Variants in TSPAN9 observed in about 807,000 individuals in gnomAD.
TSPAN9 encodes tetraspanin 9, also known as tetraspanin-9.
A neutral mutation model predicts 31.0 loss-of-function variants in TSPAN9; 16 were observed. The ratio of observed to expected loss-of-function variants is 0.52; its 90% CI spans 0.35 to 0.78. TSPAN9 has a LOEUF of 0.78. Ranked by LOEUF, TSPAN9 falls within the 30% of genes least tolerant of loss-of-function variation. The probability of loss-of-function intolerance (pLI) is 0.01; values close to 1 mark genes in which losing one functional copy is unlikely to be tolerated. For synonymous variants in TSPAN9, 145 were observed against 121.6 expected (o/e 1.19, Z -1.27); for missense variants, 272 against 312.5 (o/e 0.87, Z 0.98).
At chr12:3,180,416 G>A (rs1344054987) in intron 2 of TSPAN9, among the ~76,000 whole-genome samples, 2 of 151,964 alleles carry the variant, frequency 1.3e-5, no homozygotes, top group Admixed American at 6.6e-5. Context: ...GTTGAAGAGT[G>A]TAGTCAGCTG....
At chr12:3,180,150 A>T (rs1199044811) in intron 2 of TSPAN9, among the ~76,000 whole-genome samples, 2 of 152,170 alleles carry the variant, frequency 1.3e-5, no homozygotes, top group African/African-American at 4.8e-5. Context: ...ACACCTGAGA[A>T]AACGTTTCAT....
intron 3 of TSPAN9, among the ~76,000 whole-genome samples, chr12:3,270,790 C>T (rs1306303693): frequency 1.3e-5 from 2 of 152,234 alleles, no homozygotes; most frequent in Non-Finnish European, 2.9e-5. Context: ...CTCTTCCACC[C>T]CAATATACAC....
Position 3,081,538 on chromosome 12 carries a change from C to T in TSPAN9, c.-84-2115C>T, listed in dbSNP as rs138132224. On this transcript the variant is annotated intron_variant, in intron 1 of 8. Transcript: ENST00000011898. ...GAGCTCCTCTCAAGACCCTGGCATC[C>T]CATCCCAAATGAACCTCTTTTTCCT... Among the ~76,000 whole-genome samples, 512 of 152,224 alleles carry T rather than the reference C, an allele frequency of 3.4e-3. 6 individuals are homozygous for T. Among genetic ancestry groups the T allele is most frequent in the South Asian group, 5.4e-3 (26 of 4,826 alleles).
intron 3 of TSPAN9, among the ~76,000 whole-genome samples, chr12:3,234,898 C>T (rs1339599655): frequency 6.6e-6 from 1 of 151,712 alleles, no homozygotes; most frequent in African/African-American, 2.4e-5. Flanking sequence ...TGGTGGCTTA[C>T]GCCTGTCATC....
chr12:3,080,282 A>G (rs980289673), intron 1 of TSPAN9, among the ~76,000 whole-genome samples: 1 of 152,236 alleles, frequency 6.6e-6, no homozygotes, highest in Admixed American at 6.5e-5. Context: ...AGTGTGCTTT[A>G]TATAAAAAAT....
rs374098805 is a variant in TSPAN9 at position 3,272,292 on chromosome 12, G to A, written c.64-6129G>A. The stretch of plus-strand genomic sequence containing the variant: ...GTGGGGAAGACGGGGTGAAGAGGAG[G>A]CTGCTTTTTCAGGAGGATTTGCATG... On this transcript the variant is annotated intron_variant, in intron 3 of 8. Coordinates refer to ENST00000011898, the MANE Select transcript of TSPAN9 (RefSeq NM_006675.5). Among the ~76,000 whole-genome samples the A allele has an allele frequency of 9.7e-4, 147 of 152,260 alleles. 2 individuals carry two copies. The Middle Eastern group carries it at 0.017, about 18-fold the overall frequency.
intron 2 of TSPAN9, among the ~76,000 whole-genome samples, chr12:3,125,925 C>T (rs191232277): frequency 1.3e-5 from 2 of 152,270 alleles, no homozygotes; most frequent in East Asian, 3.9e-4. Flanking sequence ...TTTGAGGGCT[C>T]AAAACCTGTT....
chr12:3,237,914 A>G (rs1350381200), intron 3 of TSPAN9, among the ~76,000 whole-genome samples: 1 of 152,204 alleles, frequency 6.6e-6, no homozygotes, highest in Non-Finnish European at 1.5e-5. Flanking sequence ...AATCATGTTT[A>G]TGAACTCAGC....
At position 3,285,756 on chromosome 12, in the gene TSPAN9, A is replaced by G. The variant is rs965363871; in HGVS notation, c.*2640A>G. On this transcript the variant is annotated 3_prime_UTR_variant, in exon 9 of 9. Transcript: ENST00000011898. ...AGTTCAATCAGGTCTGATGTGAGCA[A>G]TTTACACACTTGTCTCAGAAAGTCC... The G allele has an allele frequency of 6.6e-6, 1 of 152,194 alleles. No homozygotes were observed. The highest frequency in any genetic ancestry group is 2.4e-5 in the African/African-American group (1 of 41,426). 9.4% of individuals were successfully genotyped at this position (152,194 alleles called of 1,614,324 possible). A position where few individuals can be genotyped will look rare whatever the true frequency, so the allele number is the denominator to read the frequency against.
chr12:3,100,755 C>T (rs549005254), intron 2 of TSPAN9, among the ~76,000 whole-genome samples: 1 of 152,332 alleles, frequency 6.6e-6, no homozygotes, highest in South Asian at 2.1e-4. Context: ...AACCCATAAG[C>T]AGCATGTTCT....
chr12:3,160,395 G>A (rs7132255), intron 2 of TSPAN9, among the ~76,000 whole-genome samples: 2,376 of 152,270 alleles, frequency 0.016, 53 homozygotes, highest in African/African-American at 0.054. Flanking sequence ...TTTGAATAAT[G>A]CTGCAATGAA....
rs533490366 is a variant in TSPAN9, at chr12:3,252,622, G to A, written c.64-25799G>A. Among the ~76,000 whole-genome samples the A allele has an allele frequency of 2.1e-4, 32 of 152,372 alleles. No individual in the cohort carries two copies. In the South Asian group the frequency reaches 4.6e-3, roughly 22 times the overall value. On this transcript the variant is annotated intron_variant, in intron 3 of 8. Transcript: ENST00000011898. ...GCAAGATCCTCTTGTCATCACAGCCGGAGTCAGCTGTTGGTTTGGGAAGCC... is the reference window on the plus strand; with the variant it reads ...GCAAGATCCTCTTGTCATCACAGCCAGAGTCAGCTGTTGGTTTGGGAAGCC...
intron 2 of TSPAN9, among the ~76,000 whole-genome samples, chr12:3,139,238 G>T (rs2098333591): frequency 6.6e-6 from 1 of 152,256 alleles, no homozygotes; most frequent in Non-Finnish European, 1.5e-5. Flanking sequence ...ACCATGGAGA[G>T]AAATCCTTGG....
intron 2 of TSPAN9, among the ~76,000 whole-genome samples, chr12:3,161,404 A>G (rs1319926861): frequency 6.6e-6 from 1 of 152,074 alleles, no homozygotes; most frequent in East Asian, 1.9e-4. Flanking sequence ...ATTCATTTTG[A>G]GTTCCTTTTT....
intron 1 of TSPAN9, among the ~76,000 whole-genome samples, chr12:3,079,871 A>G (rs1244650240): frequency 2.6e-5 from 4 of 151,784 alleles, no homozygotes; most frequent in Admixed American, 2.6e-4. Flanking sequence ...CCTGGGCTCA[A>G]GTGATCCTCC....
chr12:3,224,166 A>T (rs894093775), intron 3 of TSPAN9, among the ~76,000 whole-genome samples: 4 of 151,814 alleles, frequency 2.6e-5, no homozygotes, highest in African/African-American at 9.7e-5. Context: ...GACATAGCCT[A>T]CTCCTTCTTT....
chr12:3,078,769 A>C (rs1444843726), intron 1 of TSPAN9, among the ~76,000 whole-genome samples: 3 of 151,316 alleles, frequency 2.0e-5, no homozygotes, highest in Non-Finnish European at 4.4e-5. Flanking sequence ...GTCCCTGAAC[A>C]GGTGAGAGTA....
intron 2 of TSPAN9, among the ~76,000 whole-genome samples, chr12:3,094,322 C>T (rs2098306646): frequency 1.3e-5 from 2 of 152,120 alleles, no homozygotes; most frequent in African/African-American, 4.8e-5. Flanking sequence ...CCAACATTGC[C>T]TCTATTAGAG....
chr12:3,163,756 T>TA (rs2098346780), intron 2 of TSPAN9, among the ~76,000 whole-genome samples: 1 of 152,238 alleles, frequency 6.6e-6, no homozygotes, highest in African/African-American at 2.4e-5. Context: ...ACCACACTAC[T>TA]AAGGTATTAT....
Sources: allele counts gnomAD v4.1 joint callset (sites outside exome capture counted in the v4.1 genomes callset), GRCh38; gene constraint gnomAD v4.1.1; transcripts MANE v1.5; gene names NCBI Gene and HGNC (gene_info 2026-07-23, HGNC 2026-07-21).